The following CPEB1 variants were observed in gnomAD, a reference collection of about 807,000 sequenced individuals.
CPEB1 encodes the protein cytoplasmic polyadenylation element-binding protein 1.
A neutral mutation model predicts 65.8 loss-of-function variants in CPEB1; 7 were observed. The ratio of observed to expected loss-of-function variants is 0.11; its 90% CI spans 0.06 to 0.20. CPEB1 has a LOEUF of 0.20. Ranked by LOEUF, CPEB1 falls within the 10% of genes least tolerant of loss-of-function variation. CPEB1 has a pLI of 1.00. For missense variants in CPEB1, 551 were observed against 712.2 expected, an observed-to-expected ratio of 0.77 and a Z score of 2.58; for synonymous variants, 262 against 260.0, an observed-to-expected ratio of 1.01 and a Z score of -0.08.
At chr15:82,643,067 C>T (rs1303826291) in intron 1 of CPEB1, among the ~76,000 whole-genome samples, 1 of 152,062 alleles carries the variant, frequency 6.6e-6, no homozygotes, top group Non-Finnish European at 1.5e-5. Context: ...AAAATAACAC[C>T]AGCAGAGAGC....
rs753113802 is a variant in CPEB1 at position 82,627,377 on chromosome 15, G to GA, written c.97-11dup. 584 of 1,568,140 alleles carry GA rather than the reference G, an allele frequency of 3.7e-4. 1 individual carries two copies. Among genetic ancestry groups the GA allele is most frequent in the Admixed American group, 1.2e-3 (60 of 51,638 alleles). On this transcript the variant is annotated splice_polypyrimidine_tract_variant and intron_variant, in intron 2 of 12. Coordinates refer to ENST00000684509, the MANE Select transcript of CPEB1 (RefSeq NM_001365242.1). Reference sequence around the variant, plus strand: ...TTCCTGCTTCTTCTTCCTAGACACAGAAAAAAAAAGATATTTAGGTTTTCT... The same window carrying GA: ...TTCCTGCTTCTTCTTCCTAGACACAGAAAAAAAAAAGATATTTAGGTTTTCT...
intron 1 of CPEB1, chr15:82,630,160 C>A: frequency 1.0e-6 from 1 of 966,586 alleles, no homozygotes; most frequent in Non-Finnish European, 1.2e-6. Context: ...GAACTTGAAA[C>A]TCCTGGGCTC....
chr15:82,640,652 C>G (rs1456175366), intron 1 of CPEB1: 1 of 152,158 alleles, frequency 6.6e-6, no homozygotes, highest in Non-Finnish European at 1.5e-5. Context: ...CTGGGTTTAA[C>G]ATACCTCAGA....
chr15:82,597,916 C>CA (rs993008366), intron 3 of CPEB1, among the ~76,000 whole-genome samples: 1 of 152,100 alleles, frequency 6.6e-6, no homozygotes, highest in African/African-American at 2.4e-5. Context: ...CCAGATATTA[C>CA]AAAGCTTGAG....
At chr15:82,623,405 C>T (rs951144685) in intron 3 of CPEB1, among the ~76,000 whole-genome samples, 1 of 152,180 alleles carries the variant, frequency 6.6e-6, no homozygotes, top group Non-Finnish European at 1.5e-5. Flanking sequence ...CAGCCAGGTG[C>T]GGTGGCTCAC....
intron 3 of CPEB1, among the ~76,000 whole-genome samples, chr15:82,602,713 G>T (rs902451887): frequency 6.6e-6 from 1 of 152,082 alleles, no homozygotes; most frequent in Admixed American, 6.6e-5. Flanking sequence ...GGGCATGGTG[G>T]CAAGTGCCTG....
intron 10 of CPEB1, chr15:82,548,528 A>G (rs933135162): frequency 3.6e-6 from 1 of 274,644 alleles, no homozygotes; most frequent in Non-Finnish European, 7.4e-6. Flanking sequence ...ATGGGAAGGA[A>G]AGATAAGGGA....
rs1352109212 is a variant in CPEB1, at chr15:82,544,721, A to G, written c.1657-19T>C. On this transcript the variant is annotated intron_variant, in intron 12 of 12. Transcript: ENST00000684509. The stretch of plus-strand genomic sequence containing the variant: ...AGCAGACCTGGGTTGGGGGAACAAA[A>G]AGGAGGATGCCATGCCTGTGTCAGC... The G allele has an allele frequency of 6.3e-7, 1 of 1,581,798 alleles. No individual in the cohort carries two copies. The highest frequency in any genetic ancestry group is 8.7e-7 in the Non-Finnish European group (1 of 1,152,792).
chr15:82,613,451 G>A (rs900784062), intron 3 of CPEB1, among the ~76,000 whole-genome samples: 1 of 151,594 alleles, frequency 6.6e-6, no homozygotes, highest in Non-Finnish European at 1.5e-5. Context: ...GCAGCGGCAC[G>A]ATCTTGGCTC....
intron 4 of CPEB1, among the ~76,000 whole-genome samples, chr15:82,562,632 G>T (rs1886929348): frequency 6.6e-6 from 1 of 152,032 alleles, no homozygotes; most frequent in African/African-American, 2.4e-5. Flanking sequence ...TTGAGACCAG[G>T]AGTTCAAGAC....
At position 82,571,357 on chromosome 15, in the gene CPEB1, G is replaced by T. The variant is rs202165773; in HGVS notation, c.447C>A (p.Ser149Arg). 511 of 1,613,928 alleles carry T rather than the reference G, an allele frequency of 3.2e-4. 4 individuals carry two copies. The highest frequency in any genetic ancestry group is 9.9e-4 in the Middle Eastern group (6 of 6,060). ...STQDSDSSAQ[S>R]STHSVLSMLH... ...TCTGGCACTCACCCGAGTGTGTGCT[G>T]CTCTGGGCTGAGGAATCTGAGTCCT... The change falls in exon 4 of 13, where the codon AGC (serine) becomes AGA (arginine). Residue 149 changes from serine (S) to arginine (R), a missense_variant. Physicochemically the swap from Ser to Arg is moderately radical, Grantham distance 110. Around this residue, in one of 6 missense-constraint regions of CPEB1, gnomAD observed 223 missense variants for 228.6 expected, o/e 0.98. Coordinates refer to ENST00000684509, the MANE Select transcript of CPEB1 (RefSeq NM_001365242.1).
At chr15:82,645,724 C>A (rs1239138147) in intron 1 of CPEB1, among the ~76,000 whole-genome samples, 1 of 151,856 alleles carries the variant, frequency 6.6e-6, no homozygotes, top group Admixed American at 6.6e-5. Flanking sequence ...AAAAATCAGC[C>A]GCGCGTGGTG....
intron 1 of CPEB1, among the ~76,000 whole-genome samples, chr15:82,630,483 G>A (rs1026082578): frequency 1.3e-5 from 2 of 152,128 alleles, no homozygotes; most frequent in African/African-American, 4.8e-5. Flanking sequence ...GTACATGCCT[G>A]TAGTCCCAGC....
At chr15:82,554,727 G>T (rs2036888209) in intron 6 of CPEB1, among the ~76,000 whole-genome samples, 1 of 152,190 alleles carries the variant, frequency 6.6e-6, no homozygotes, top group Non-Finnish European at 1.5e-5. Context: ...CAGCAAAGAG[G>T]CAGACAGCCA....
At chr15:82,571,985 CG>C (rs755577992) in intron 3 of CPEB1, 2 of 387,056 alleles carry the variant, frequency 5.2e-6, no homozygotes, top group Non-Finnish European at 7.1e-6. Context: ...CAGCGCCCTC[CG>C]GTCTCCAGCA....
In CPEB1 at chr15:82,574,722, CAAAAA is replaced by C. The variant is rs534968367; in HGVS notation, c.272-3195_272-3191del. Among the ~76,000 whole-genome samples, 312 of 53,454 alleles carry C rather than the reference CAAAAA, an allele frequency of 5.8e-3. 1 individual carries two copies. Among genetic ancestry groups the C allele is most frequent in the Middle Eastern group, 0.016 (1 of 64 alleles). 35.1% of individuals were successfully genotyped at this position (53,454 alleles called of 152,430 possible). A position where few individuals can be genotyped will look rare whatever the true frequency, so the allele number is the denominator to read the frequency against. ...TGGGCAACAGAGCTAGACTCGGTCT[CAAAAA>C]AAAAAAAAAAAAAAAAAAAAAAAAT... On this transcript the variant is annotated intron_variant, in intron 3 of 12. Coordinates refer to ENST00000684509, the MANE Select transcript of CPEB1 (RefSeq NM_001365242.1).
chr15:82,548,333 CA>C (rs199722929), intron 10 of CPEB1, among the ~76,000 whole-genome samples: 81 of 149,332 alleles, frequency 5.4e-4, no homozygotes, highest in East Asian at 2.2e-3. Flanking sequence ...GACTCCATCT[CA>C]AAAAAAAAAT....
At chr15:82,580,331 AAAAG>A (rs1044565735) in intron 3 of CPEB1, among the ~76,000 whole-genome samples, 6 of 151,856 alleles carry the variant, frequency 4.0e-5, no homozygotes, top group African/African-American at 1.2e-4. Context: ...AAAAAAAAAA[AAAAG>A]AAGAAGAAGA....
At chr15:82,645,872 TAAA>T (rs1457686653) in intron 1 of CPEB1, among the ~76,000 whole-genome samples, 11 of 37,562 alleles carry the variant, frequency 2.9e-4, no homozygotes, top group Non-Finnish European at 7.7e-4. Flanking sequence ...CCTCTCAAAA[TAAA>T]TAAATAAATA....
Sources: gnomAD v4.1 joint callset for allele counts (sites outside exome capture counted in the v4.1 genomes callset) on GRCh38, gnomAD v4.1.1 for gene constraint, gnomAD v4.1.1 regional missense constraint, MANE v1.5 for transcripts, NCBI Gene and HGNC (gene_info 2026-07-23, HGNC 2026-07-21) for gene names.